Variants in SORBS2 observed in about 807,000 individuals in gnomAD.
SORBS2 encodes sorbin and SH3 domain containing 2, also known as sorbin and SH3 domain-containing protein 2.
Under a neutral mutation model 97.7 loss-of-function variants are expected in SORBS2, and 46 were observed. The ratio of observed to expected loss-of-function variants is 0.47; its 90% CI spans 0.37 to 0.60. The LOEUF is 0.60. Among genes scored for constraint, SORBS2 ranks in the 20% least tolerant of loss-of-function variants. The pLI is 0.00. For synonymous variants in SORBS2, 476 were observed against 473.4 expected, an observed-to-expected ratio of 1.01 and a Z score of -0.07; for missense variants, 1,316 against 1,282.3, an observed-to-expected ratio of 1.03 and a Z score of -0.40.
intron 2 of SORBS2, among the ~76,000 whole-genome samples, chr4:185,712,080 C>A (rs989419932): frequency 2.0e-5 from 3 of 152,130 alleles, no homozygotes; most frequent in Non-Finnish European, 2.9e-5. Flanking sequence ...CCCAGCAAAA[C>A]CCCACCCTCA....
rs112680775 is a variant in SORBS2, at chr4:185,868,159, C to CT, written c.-338+88036dup. On this transcript the variant is annotated intron_variant, in intron 1 of 20. Transcript: ENST00000284776. Reference sequence around the variant, plus strand: ...TCTCTTTTCTTTTCTTTTTTTCTTTCTTTTTTTTTTTTTTTGAGGCAGAGT... The same window carrying CT: ...TCTCTTTTCTTTTCTTTTTTTCTTTCTTTTTTTTTTTTTTTTGAGGCAGAGT... Among the ~76,000 whole-genome samples the CT allele has an allele frequency of 4.7e-3, 498 of 105,208 alleles. 35 individuals are homozygous for CT. The highest frequency in any genetic ancestry group is 0.037 in the East Asian group (119 of 3,250). The allele number at this position is 105,208 out of a possible 152,430, so 69.0% of individuals were successfully genotyped here.
chr4:185,658,488 G>A (rs570786110), upstream of SORBS2, among the ~76,000 whole-genome samples: 1 of 152,096 alleles, frequency 6.6e-6, no homozygotes, highest in East Asian at 1.9e-4. Context: ...CAATTAATTT[G>A]AAAATGTTGG....
chr4:185,635,309 G>A lies in SORBS2; in HGVS notation c.397-4711C>T, dbSNP rs749621319. ...ACAGATGTGCAGAATCACAGTCACA[G>A]CCTCTAAGGGAGATATCTGAAAAAG... On this transcript the variant is annotated intron_variant, in intron 4 of 14. Transcript: ENST00000418609. The A allele has an allele frequency of 4.4e-6, 6 of 1,351,398 alleles. No homozygotes were observed. In the East Asian group the frequency reaches 6.9e-5, roughly 16 times the overall value. 83.7% of individuals were successfully genotyped at this position (1,351,398 alleles called of 1,614,324 possible).
At position 185,662,319 on chromosome 4, in the gene SORBS2, A is replaced by G; in HGVS notation, c.-45-77T>C. The G allele has an allele frequency of 2.1e-6, 3 of 1,418,824 alleles. 1 individual carries two copies. The South Asian group carries it at 4.0e-5, about 19-fold the overall frequency. The allele number at this position is 1,418,824 out of a possible 1,614,324, so 87.9% of individuals were successfully genotyped here. A position where few individuals can be genotyped will look rare whatever the true frequency, so the allele number is the denominator to read the frequency against. On this transcript the variant is annotated intron_variant, in intron 4 of 20. Coordinates refer to the SORBS2 transcript ENST00000284776. ...ACATCATTCCATTAGGTGATAATAA[A>G]AGACTTCCAATCACATGAGAGTAAT...
chr4:185,782,929 G>A (rs973404871), intron 1 of SORBS2, among the ~76,000 whole-genome samples: 1 of 152,104 alleles, frequency 6.6e-6, no homozygotes. Context: ...GCCCAACAAT[G>A]TTTTAAAATG....
At chr4:185,801,550 T>C (rs1206655720) in intron 1 of SORBS2, among the ~76,000 whole-genome samples, 1 of 152,228 alleles carries the variant, frequency 6.6e-6, no homozygotes, top group Non-Finnish European at 1.5e-5. Flanking sequence ...GGTTTTGACT[T>C]GCCTTTCCAT....
rs376309594 is a variant in SORBS2 at position 185,819,706 on chromosome 4, G to A, written c.-337-44340C>T. Among the ~76,000 whole-genome samples, 155 of 152,278 alleles carry A rather than the reference G, an allele frequency of 1.0e-3. 1 individual carries two copies. The highest frequency in any genetic ancestry group is 3.4e-3 in the African/African-American group (140 of 41,544). On this transcript the variant is annotated intron_variant, in intron 1 of 20. Coordinates refer to the SORBS2 transcript ENST00000284776. Reference sequence around the variant, plus strand: ...GTGCAGGGATCACCCAGGCTGACTCGGTGGGTTGCGGAAGCACCCTTCCTT... The same window carrying A: ...GTGCAGGGATCACCCAGGCTGACTCAGTGGGTTGCGGAAGCACCCTTCCTT...
At chr4:185,636,318 C>A (rs910540119) in intron 4 of SORBS2, among the ~76,000 whole-genome samples, 1 of 152,044 alleles carries the variant, frequency 6.6e-6, no homozygotes, top group East Asian at 1.9e-4. Context: ...TAAGAAAAAT[C>A]CTTTGGTTTA....
intron 2 of SORBS2, among the ~76,000 whole-genome samples, chr4:185,769,129 C>A (rs2098954761): frequency 6.6e-6 from 1 of 151,450 alleles, no homozygotes; most frequent in Non-Finnish European, 1.5e-5. Flanking sequence ...GTCAAAGGCA[C>A]ATGGGAGACT....
intron 1 of SORBS2, among the ~76,000 whole-genome samples, chr4:185,887,705 G>T (rs1185131769): frequency 6.6e-6 from 1 of 152,048 alleles, no homozygotes; most frequent in African/African-American, 2.4e-5. Context: ...GAAGCTGAGG[G>T]GTGGTAGCAC....
chr4:185,788,192 T>A (rs1201389217), intron 1 of SORBS2, among the ~76,000 whole-genome samples: 1 of 152,208 alleles, frequency 6.6e-6, no homozygotes, highest in Non-Finnish European at 1.5e-5. Context: ...GAGCTGTTAA[T>A]GCTGTTCGCA....
intron 1 of SORBS2, among the ~76,000 whole-genome samples, chr4:185,828,700 T>A (rs1415634514): frequency 6.6e-6 from 1 of 151,950 alleles, no homozygotes; most frequent in Non-Finnish European, 1.5e-5. Flanking sequence ...ACACTGTACA[T>A]CAATTCCATA....
intron 2 of SORBS2, among the ~76,000 whole-genome samples, chr4:185,718,946 A>G (rs1448447383): frequency 6.6e-6 from 1 of 152,262 alleles, no homozygotes; most frequent in African/African-American, 2.4e-5. Context: ...GTGGAAACTC[A>G]GAGTTATAAA....
chr4:185,739,482 TC>T lies in SORBS2; in HGVS notation c.-198+35744del, dbSNP rs1326291466. On this transcript the variant is annotated intron_variant, in intron 2 of 20. Transcript: ENST00000284776. ...TATTTAACTAATCCTTGTAAGTAAA[TC>T]TACTATAAGCGAAAAGCATTCTAAA... is the stretch of plus-strand genomic sequence containing the variant. 3.3e-5 allele frequency among the ~76,000 whole-genome samples: 5 copies of T among 152,168 alleles called. 1 individual carries two copies. The highest frequency in any genetic ancestry group is 5.9e-5 in the Non-Finnish European group (4 of 68,032).
chr4:185,611,500 A>G (rs2096538331), intron 12 of SORBS2, among the ~76,000 whole-genome samples: 1 of 152,152 alleles, frequency 6.6e-6, no homozygotes, highest in African/African-American at 2.4e-5. Context: ...GATATATATC[A>G]TACGAGACTT....
intron 1 of SORBS2, among the ~76,000 whole-genome samples, chr4:185,813,841 C>T (rs1359099781): frequency 6.6e-6 from 1 of 152,192 alleles, no homozygotes; most frequent in Non-Finnish European, 1.5e-5. Flanking sequence ...CTATTACAGG[C>T]CTTGTCACGC....
intron 1 of SORBS2, among the ~76,000 whole-genome samples, chr4:185,854,684 T>A (rs1305115401): frequency 1.3e-5 from 2 of 152,146 alleles, no homozygotes; most frequent in African/African-American, 4.8e-5. Context: ...TCTCAAAGTG[T>A]TTCTCTTAAT....
At chr4:185,915,577 T>A (rs1399290349) in intron 1 of SORBS2, among the ~76,000 whole-genome samples, 2 of 152,156 alleles carry the variant, frequency 1.3e-5, no homozygotes, top group African/African-American at 2.4e-5. Flanking sequence ...CCTTTCTACA[T>A]TTCTCTCATT....
Position 185,607,166 on chromosome 4 carries a change from C to G in SORBS2, c.2796+4614G>C. 2 of 1,117,690 alleles carry G rather than the reference C, an allele frequency of 1.8e-6. No individual in the cohort carries two copies. The highest frequency in any genetic ancestry group is 2.5e-4 in the Middle Eastern group (1 of 3,980). 69.2% of individuals were successfully genotyped at this position (1,117,690 alleles called of 1,614,324 possible). ...TGGTCAGCTGACAAGGTTAAAGCACCAAGCTTCTCCAATTCACCCAAGAAG... is the reference window on the plus strand; with the variant it reads ...TGGTCAGCTGACAAGGTTAAAGCACGAAGCTTCTCCAATTCACCCAAGAAG... On this transcript the variant is annotated intron_variant, in intron 12 of 14. Coordinates refer to ENST00000418609, the Ensembl canonical transcript of SORBS2. The surrounding 1 kb of genome is among the most constrained non-coding windows in gnomAD (Gnocchi z 5.2).
Sources: gnomAD v4.1 joint callset for allele counts (sites outside exome capture counted in the v4.1 genomes callset) on GRCh38, gnomAD v4.1.1 for gene constraint, Gnocchi (gnomAD v3.1) non-coding constraint, MANE v1.5 for transcripts, NCBI Gene and HGNC (gene_info 2026-07-23, HGNC 2026-07-21) for gene names.